S100Z: variants seen among roughly 807,000 people sequenced by gnomAD.
The protein encoded by S100Z is protein S100-Z.
A neutral mutation model predicts 8.5 loss-of-function variants in S100Z; 11 were observed. That is an observed-to-expected ratio of 1.30 (90% CI 0.82 to 2.15). S100Z has a LOEUF of 2.15. S100Z is among the 30% of genes most tolerant of loss of function. The pLI is 0.00. For missense variants in S100Z, 126 were observed against 117.9 expected, an observed-to-expected ratio of 1.07 and a Z score of -0.32; for synonymous variants, 34 against 43.8, an observed-to-expected ratio of 0.78 and a Z score of 0.89.
At chr5:76,881,650 C>T (rs1396823367) in intron 4 of S100Z, among the ~76,000 whole-genome samples, 7 of 152,128 alleles carry the variant, frequency 4.6e-5, no homozygotes, top group African/African-American at 1.7e-4. Flanking sequence ...CTAGAATGGG[C>T]TTGTGAGGCT....
intron 4 of S100Z, among the ~76,000 whole-genome samples, chr5:76,907,126 A>G (rs1423862200): frequency 6.7e-6 from 1 of 150,152 alleles, no homozygotes; most frequent in Non-Finnish European, 1.5e-5. Context: ...TGATTGCCTA[A>G]TTGTTTCAAT....
At chr5:76,880,496 A>G (rs1014061561) in intron 4 of S100Z, among the ~76,000 whole-genome samples, 1 of 152,198 alleles carries the variant, frequency 6.6e-6, no homozygotes, top group Admixed American at 6.5e-5. Context: ...GGGTGAGATT[A>G]AGCTGAAGGA....
intron 4 of S100Z, among the ~76,000 whole-genome samples, chr5:76,917,091 C>T (rs1402139680): frequency 7.0e-6 from 1 of 143,868 alleles, no homozygotes; most frequent in East Asian, 2.0e-4. Flanking sequence ...GCACCACTGC[C>T]CTCCAGCCTA....
At chr5:76,952,798 T>C in the S100Z span, 1 of 306,178 alleles carries the variant, frequency 3.3e-6, no homozygotes, top group Non-Finnish European at 6.2e-6. Context: ...ATGCACTCCC[T>C]TATTCTTTGT....
intron 4 of S100Z, among the ~76,000 whole-genome samples, chr5:76,902,532 C>T (rs1744264446): frequency 1.3e-5 from 2 of 152,194 alleles, no homozygotes; most frequent in South Asian, 4.1e-4. Flanking sequence ...TTTTATTAAT[C>T]TCTTCAGTGC....
At chr5:76,914,355 G>T (rs1307171438) in intron 4 of S100Z, among the ~76,000 whole-genome samples, 1 of 84,854 alleles carries the variant, frequency 1.2e-5, no homozygotes, top group African/African-American at 5.7e-5. Flanking sequence ...AGAGCTCTGT[G>T]TCTAGCTAAA....
intron 4 of S100Z, among the ~76,000 whole-genome samples, chr5:76,917,461 T>C (rs572659321): frequency 1.3e-5 from 2 of 152,020 alleles, no homozygotes; most frequent in Admixed American, 1.3e-4. Flanking sequence ...CACACACAAG[T>C]TTAAGAATGT....
chr5:76,952,251 T>C, the S100Z span, among the ~76,000 whole-genome samples: 2,358 of 152,314 alleles, frequency 0.015, 70 homozygotes, highest in African/African-American at 0.053. Flanking sequence ...ATCCAGGTAT[T>C]TGAAGGCACG....
At chr5:76,900,956 C>G (rs922875966) in intron 4 of S100Z, among the ~76,000 whole-genome samples, 1 of 150,706 alleles carries the variant, frequency 6.6e-6, no homozygotes, top group Admixed American at 6.6e-5. Flanking sequence ...CCCAGTGACA[C>G]TGTGGTTCTT....
chr5:76,858,264 T>A (rs979071084), intron 1 of S100Z, among the ~76,000 whole-genome samples: 24 of 152,338 alleles, frequency 1.6e-4, no homozygotes, highest in African/African-American at 5.5e-4. Context: ...GGCTCACACC[T>A]GTAATCCCAG....
At chr5:76,929,524 A>G in the S100Z span, among the ~76,000 whole-genome samples, 2 of 152,362 alleles carry the variant, frequency 1.3e-5, no homozygotes, top group South Asian at 2.1e-4. Flanking sequence ...ATATAAGTGC[A>G]TGACAATATC....
At chr5:76,943,315 T>C in the S100Z span, among the ~76,000 whole-genome samples, 1 of 152,198 alleles carries the variant, frequency 6.6e-6, no homozygotes, top group Non-Finnish European at 1.5e-5. Flanking sequence ...ACTTCTTTCA[T>C]GGTGGCTCAG....
downstream of S100Z, among the ~76,000 whole-genome samples, chr5:76,922,321 G>A (rs1385240077): frequency 6.6e-6 from 1 of 152,202 alleles, no homozygotes; most frequent in African/African-American, 2.4e-5. Flanking sequence ...AAGAGAAGAT[G>A]TTGGAAGTCA....
At chr5:76,946,221 A>T in the S100Z span, among the ~76,000 whole-genome samples, 4 of 152,130 alleles carry the variant, frequency 2.6e-5, no homozygotes, top group Non-Finnish European at 5.9e-5. Flanking sequence ...TCCTCCCATT[A>T]TTACTCTTCA....
At chr5:76,909,056 AT>A (rs1744555660) in intron 4 of S100Z, among the ~76,000 whole-genome samples, 1 of 152,140 alleles carries the variant, frequency 6.6e-6, no homozygotes, top group Non-Finnish European at 1.5e-5. Context: ...AAGCGCAACT[AT>A]TCCGATCAGC....
intron 1 of S100Z, among the ~76,000 whole-genome samples, chr5:76,855,393 C>A (rs1750854547): frequency 6.6e-6 from 1 of 152,208 alleles, no homozygotes; most frequent in African/African-American, 2.4e-5. Context: ...CTGTACCCTG[C>A]AAAGCTTCAG....
At chr5:76,884,454 A>T (rs1323863639) in intron 4 of S100Z, among the ~76,000 whole-genome samples, 1 of 152,172 alleles carries the variant, frequency 6.6e-6, no homozygotes, top group African/African-American at 2.4e-5. Context: ...ACTCTTTCCC[A>T]TTCATCCGGG....
the S100Z span, among the ~76,000 whole-genome samples, chr5:76,934,372 A>G: frequency 6.6e-6 from 1 of 152,248 alleles, no homozygotes; most frequent in Non-Finnish European, 1.5e-5. Context: ...TGAAAATGCA[A>G]CTAAGGAAAG....
At chr5:76,931,156 A>G in the S100Z span, among the ~76,000 whole-genome samples, 163 of 150,208 alleles carry the variant, frequency 1.1e-3, no homozygotes, top group African/African-American at 3.8e-3. Context: ...CGAGGGTTGG[A>G]GTGCAGTGGC....
Sources: gnomAD v4.1 joint callset for allele counts (sites outside exome capture counted in the v4.1 genomes callset) on GRCh38, gnomAD v4.1.1 for gene constraint, MANE v1.5 for transcripts, NCBI Gene and HGNC (gene_info 2026-07-23, HGNC 2026-07-21) for gene names.